The following GYPE variants were observed in gnomAD, a reference collection of about 807,000 sequenced individuals.
GYPE encodes glycophorin-E.
GYPE carries 8 observed loss-of-function variants against 11.6 expected under a neutral mutation model. The ratio of observed to expected loss-of-function variants is 0.69; its 90% CI spans 0.41 to 1.25. The LOEUF (loss-of-function observed/expected upper bound fraction) is 1.25. Ranked by LOEUF, GYPE falls within the 50% of genes most tolerant of loss-of-function variation. The pLI is 0.01. For synonymous variants in GYPE, 28 were observed against 29.6 expected, an observed-to-expected ratio of 0.94 and a Z score of 0.18; for missense variants, 90 against 92.8, an observed-to-expected ratio of 0.97 and a Z score of 0.12.
At chr4:143,876,439 A>G (rs1446545239) in intron 3 of GYPE, among the ~76,000 whole-genome samples, 2 of 152,206 alleles carry the variant, frequency 1.3e-5, no homozygotes, top group African/African-American at 2.4e-5. Flanking sequence ...GGTAAATACT[A>G]TAAGTAGCAT....
Position 143,897,723 on chromosome 4 carries a change from G to C in GYPE, c.37+7748C>G, listed in dbSNP as rs530854289. On this transcript the variant is annotated intron_variant, in intron 1 of 3. Transcript: ENST00000358615. The stretch of plus-strand genomic sequence containing the variant: ...TATGAAATACCTGAAATGCACTCAC[G>C]GCCTGCACAAGCCATTGACCAGTGG... 5.9e-5 allele frequency among the ~76,000 whole-genome samples: 9 copies of C among 152,124 alleles called. No individual in the cohort carries two copies. The East Asian group carries it at 1.6e-3, about 26-fold the overall frequency.
chr4:143,898,888 C>T (rs1317785739), intron 1 of GYPE, among the ~76,000 whole-genome samples: 1 of 151,194 alleles, frequency 6.6e-6, no homozygotes, highest in Admixed American at 6.6e-5. Context: ...TTTTTCCTAG[C>T]AAAATGCAAT....
intron 1 of GYPE, among the ~76,000 whole-genome samples, chr4:143,895,085 A>G (rs1464712919): frequency 6.6e-6 from 1 of 152,190 alleles, no homozygotes; most frequent in Non-Finnish European, 1.5e-5. Context: ...ATTCCCTTTG[A>G]AAACTGGCAC....
At chr4:143,891,179 G>A (rs1220616353) in intron 1 of GYPE, among the ~76,000 whole-genome samples, 1 of 151,478 alleles carries the variant, frequency 6.6e-6, no homozygotes, top group African/African-American at 2.4e-5. Flanking sequence ...ATTCAACTCT[G>A]TCACTGTGCA....
At chr4:143,877,685 C>T (rs1743867687) in intron 2 of GYPE, among the ~76,000 whole-genome samples, 1 of 151,932 alleles carries the variant, frequency 6.6e-6, no homozygotes, top group Non-Finnish European at 1.5e-5. Flanking sequence ...TGGTGTTGCC[C>T]AGCCTTCTTG....
intron 1 of GYPE, among the ~76,000 whole-genome samples, chr4:143,894,607 C>A (rs2149913488): frequency 6.6e-6 from 1 of 152,250 alleles, no homozygotes; most frequent in Admixed American, 6.5e-5. Context: ...CCTTCTGAAA[C>A]TATTCCAATC....
chr4:143,899,596 T>A (rs1353048834), intron 1 of GYPE, among the ~76,000 whole-genome samples: 1 of 151,820 alleles, frequency 6.6e-6, no homozygotes, highest in African/African-American at 2.4e-5. Context: ...AGCAATAAAA[T>A]CTGTGTGATT....
chr4:143,885,149 G>A (rs1744183604), intron 1 of GYPE, among the ~76,000 whole-genome samples: 1 of 151,972 alleles, frequency 6.6e-6, no homozygotes, highest in Non-Finnish European at 1.5e-5. Context: ...ATAGCCTGAG[G>A]CTTTAAAGGG....
rs1381732889 is a variant in GYPE, at chr4:143,896,379, T to C, written c.37+9092A>G. Among the ~76,000 whole-genome samples, 66 of 152,310 alleles carry C rather than the reference T, an allele frequency of 4.3e-4. 1 individual carries two copies. In the East Asian group the frequency reaches 0.012, roughly 28 times the overall value. On this transcript the variant is annotated intron_variant, in intron 1 of 3. Coordinates refer to ENST00000358615, the MANE Select transcript of GYPE (RefSeq NM_198682.3). ...AACAGATACTTCTCAAAAGAAGACA[T>C]TTATGCAGCCAAAAGACACATGAAA...
intron 1 of GYPE, 46 bp downstream of exon 1, chr4:143,905,425 T>C: frequency 1.2e-6 from 2 of 1,611,990 alleles, no homozygotes; most frequent in South Asian, 2.2e-5. Context: ...TATTCTATGA[T>C]CTCATACCCA....
intron 2 of GYPE, among the ~76,000 whole-genome samples, chr4:143,877,766 C>CA (rs1245420498): frequency 1.3e-5 from 2 of 150,012 alleles, no homozygotes; most frequent in African/African-American, 4.9e-5. Flanking sequence ...GAGCCATGGA[C>CA]ACGGCCAAGT....
chr4:143,892,691 C>A (rs1483557180), intron 1 of GYPE, among the ~76,000 whole-genome samples: 2 of 151,256 alleles, frequency 1.3e-5, no homozygotes, highest in Admixed American at 6.6e-5. Context: ...GTTATAATTT[C>A]TGTTCTTTTA....
Position 143,880,645 on chromosome 4 carries a change from C to A in GYPE, c.38-136G>T, listed in dbSNP as rs2305066. On this transcript the variant is annotated intron_variant, in intron 1 of 3. Transcript: ENST00000358615. ...CGCTTTGGTATATATCTTACATAAT[C>A]TTTAGAGAATTGCTGTGTGGTAAGT... 6.7e-6 allele frequency: 8 copies of A among 1,199,934 alleles called. No individual in the cohort carries two copies. In the African/African-American group the frequency reaches 1.1e-4, roughly 16 times the overall value. 74.3% of individuals were successfully genotyped at this position (1,199,934 alleles called of 1,614,324 possible). A position where few individuals can be genotyped will look rare whatever the true frequency, so the allele number is the denominator to read the frequency against.
chr4:143,874,922 T>C (rs1163285434), intron 3 of GYPE, among the ~76,000 whole-genome samples: 8 of 152,196 alleles, frequency 5.3e-5, no homozygotes, highest in East Asian at 1.9e-4. Flanking sequence ...TCCTGGCAGG[T>C]GAACTATAAT....
intron 1 of GYPE, among the ~76,000 whole-genome samples, chr4:143,898,599 T>C (rs1375410661): frequency 2.0e-5 from 3 of 151,990 alleles, no homozygotes; most frequent in Admixed American, 1.3e-4. Context: ...AAAAATACAA[T>C]ACCATTGAGA....
rs145282338 is a variant in GYPE at position 143,881,682 on chromosome 4, T to C, written c.38-1173A>G. 2.9e-3 allele frequency among the ~76,000 whole-genome samples: 441 copies of C among 152,334 alleles called. 6 individuals are homozygous for C. The highest frequency in any genetic ancestry group is 0.01 in the African/African-American group (419 of 41,570). ...AAAGTATTCCATTATATGAATGTTC[T>C]GTGGTTTATTTTTCAATCTTCTATT... On this transcript the variant is annotated intron_variant, in intron 1 of 3. Transcript: ENST00000358615.
intron 1 of GYPE, among the ~76,000 whole-genome samples, chr4:143,896,914 A>T (rs1289679290): frequency 6.6e-6 from 1 of 151,578 alleles, no homozygotes; most frequent in Non-Finnish European, 1.5e-5. Context: ...AGGACAAAAA[A>T]CCAAACACCG....
rs1211919163 is a variant in GYPE, at chr4:143,886,899, C to T, written c.38-6390G>A. 2.3e-4 allele frequency among the ~76,000 whole-genome samples: 3 copies of T among 12,982 alleles called. 1 individual carries two copies. The highest frequency in any genetic ancestry group is 2.6e-4 in the African/African-American group (3 of 11,534). The allele number at this position is 12,982 out of a possible 152,430, so 8.5% of individuals were successfully genotyped here. A position where few individuals can be genotyped will look rare whatever the true frequency, so the allele number is the denominator to read the frequency against. ...TTGCAGCACATCTAATCCAAATTGCCGACTTTACAGATAGACATTTGGTCT... is the reference window on the plus strand; with the variant it reads ...TTGCAGCACATCTAATCCAAATTGCTGACTTTACAGATAGACATTTGGTCT... On this transcript the variant is annotated intron_variant, in intron 1 of 3. Coordinates refer to ENST00000358615, the MANE Select transcript of GYPE (RefSeq NM_198682.3).
chr4:143,889,824 A>T (rs1225169663), intron 1 of GYPE, among the ~76,000 whole-genome samples: 1 of 152,168 alleles, frequency 6.6e-6, no homozygotes, highest in Admixed American at 6.5e-5. Flanking sequence ...CCCTATTGTT[A>T]TATATTAATT....
Sources: gnomAD v4.1 joint callset for allele counts (sites outside exome capture counted in the v4.1 genomes callset) on GRCh38, gnomAD v4.1.1 for gene constraint, MANE v1.5 for transcripts, NCBI Gene and HGNC (gene_info 2026-07-23, HGNC 2026-07-21) for gene names.